Variants in CCDC171 observed in about 807,000 individuals in gnomAD.
The protein encoded by CCDC171 is coiled-coil domain-containing protein 171.
In CCDC171, 177 loss-of-function variants were observed where a neutral mutation model predicts 168.2. The ratio of observed to expected loss-of-function variants is 1.05; its 90% CI spans 0.93 to 1.19. The LOEUF is 1.19. Ranked by LOEUF, CCDC171 falls within the 50% of genes most tolerant of loss-of-function variation. The pLI is 0.00. For missense variants in CCDC171, 1,991 were observed against 1,539.0 expected, an observed-to-expected ratio of 1.29 and a Z score of -4.91; for synonymous variants, 687 against 540.8, an observed-to-expected ratio of 1.27 and a Z score of -3.75.
At chr9:16,046,214 T>C (rs1833656584) in intron 1 of CCDC171, among the ~76,000 whole-genome samples, 1 of 152,122 alleles carries the variant, frequency 6.6e-6, no homozygotes, top group Non-Finnish European at 1.5e-5. Flanking sequence ...TTCAGGAGGC[T>C]CCAACACATG....
intron 25 of CCDC171, among the ~76,000 whole-genome samples, chr9:15,939,839 A>G (rs1218514086): frequency 6.6e-6 from 1 of 151,934 alleles, no homozygotes; most frequent in Admixed American, 6.6e-5. Flanking sequence ...CCCCGGAACA[A>G]ATGATCTGTT....
chr9:15,617,727 A>G (rs1369799170), intron 6 of CCDC171, among the ~76,000 whole-genome samples: 2 of 151,904 alleles, frequency 1.3e-5, no homozygotes, highest in African/African-American at 4.8e-5. Flanking sequence ...TCTGTTTGTT[A>G]GTTTTTCTTC....
Position 15,588,002 on chromosome 9 carries a change from C to T in CCDC171, c.353-3364C>T, listed in dbSNP as rs371540246. 7.2e-4 allele frequency among the ~76,000 whole-genome samples: 109 copies of T among 151,962 alleles called. No individual in the cohort carries two copies. In the South Asian group the frequency reaches 0.021, roughly 29 times the overall value. On this transcript the variant is annotated intron_variant, in intron 4 of 25. Transcript: ENST00000380701. Reference sequence around the variant, plus strand: ...CTGTAATCGCAGCACTTTGGGAGGCCGAGGCAGGTGGATCATGAGGTCAGA... The same window carrying T: ...CTGTAATCGCAGCACTTTGGGAGGCTGAGGCAGGTGGATCATGAGGTCAGA...
At position 15,571,720 on chromosome 9, in the gene CCDC171, A is replaced by G. The variant is rs2040235999; in HGVS notation, c.138A>G (p.Lys46=). The G allele has an allele frequency of 1.3e-6, 2 of 1,591,516 alleles. No homozygotes were observed. Among genetic ancestry groups the G allele is most frequent in the Non-Finnish European group, 1.7e-6 (2 of 1,174,636 alleles). The change falls in exon 3 of 26, where the codon AAA becomes AAG. Residue 46 remains lysine, a synonymous_variant. Coordinates refer to ENST00000380701, the MANE Select transcript of CCDC171 (RefSeq NM_173550.4). ...DNLRKKLHWA[K]KEKLEITTKH... Reference sequence around the variant, plus strand: ...TCAGGAAGAAACTCCATTGGGCTAAAAAAGAAAAGTTAGAAATAACAACCA... The same window carrying G: ...TCAGGAAGAAACTCCATTGGGCTAAGAAAGAAAAGTTAGAAATAACAACCA...
chr9:15,746,069 A>G (rs961712849), intron 18 of CCDC171, among the ~76,000 whole-genome samples: 2 of 152,176 alleles, frequency 1.3e-5, no homozygotes, highest in Admixed American at 6.5e-5. Flanking sequence ...TTTATTTTAG[A>G]TGGAATTAAT....
intron 25 of CCDC171, among the ~76,000 whole-genome samples, chr9:15,946,881 A>G (rs1828464070): frequency 6.6e-6 from 1 of 151,982 alleles, no homozygotes; most frequent in Non-Finnish European, 1.5e-5. Context: ...TATGTTGTTA[A>G]ATGCTTGACT....
intron 7 of CCDC171, among the ~76,000 whole-genome samples, chr9:15,641,419 A>C (rs557981282): frequency 6.6e-6 from 1 of 152,142 alleles, no homozygotes; most frequent in Non-Finnish European, 1.5e-5. Flanking sequence ...TGTAGTAGAA[A>C]CTGTTTTGTT....
intron 18 of CCDC171, among the ~76,000 whole-genome samples, chr9:15,776,508 TA>T (rs1402434135): frequency 3.3e-5 from 5 of 152,234 alleles, no homozygotes; most frequent in Non-Finnish European, 7.3e-5. Context: ...TTATTCACTT[TA>T]TTTCCAATTT....
At chr9:16,061,274 T>G (rs1412994126) in exon 2 of CCDC171, 4 of 152,248 alleles carry the variant, frequency 2.6e-5, no homozygotes, top group Admixed American at 2.6e-4. Context: ...CCTTCCTGCC[T>G]GCCTGCCTCA....
intron 24 of CCDC171, chr9:15,883,026 C>CTGCCTGCCTG (rs1563932804): frequency 7.6e-5 from 25 of 330,258 alleles, no homozygotes; most frequent in East Asian, 2.9e-4. Flanking sequence ...TCCTCCCCTC[C>CTGCCTGCCTG]CCTCCCCTTC....
chr9:15,663,942 A>G (rs1046176762), intron 8 of CCDC171, among the ~76,000 whole-genome samples: 1 of 152,180 alleles, frequency 6.6e-6, no homozygotes, highest in Non-Finnish European at 1.5e-5. Context: ...TGAAAAAAGA[A>G]TAAACTCATG....
intron 6 of CCDC171, among the ~76,000 whole-genome samples, chr9:15,601,169 T>C (rs986152102): frequency 6.6e-6 from 1 of 152,084 alleles, no homozygotes; most frequent in Admixed American, 6.5e-5. Flanking sequence ...CAATCCTCAG[T>C]GAGATGAACC....
intron 24 of CCDC171, among the ~76,000 whole-genome samples, chr9:15,898,547 C>T (rs549754574): frequency 6.6e-6 from 1 of 152,188 alleles, no homozygotes; most frequent in East Asian, 1.9e-4. Context: ...CTAGTCCATG[C>T]CTTTGCCCGC....
At chr9:15,944,124 C>G (rs920939118) in intron 25 of CCDC171, among the ~76,000 whole-genome samples, 1 of 152,014 alleles carries the variant, frequency 6.6e-6, no homozygotes, top group Admixed American at 6.6e-5. Context: ...CATACCCTTA[C>G]AGGTTTTTTT....
At chr9:16,039,866 G>A (rs575329612), upstream of CCDC171, among the ~76,000 whole-genome samples, 42 of 152,238 alleles carry the variant, frequency 2.8e-4, no homozygotes, top group South Asian at 4.4e-3. Context: ...GTGTAATGGG[G>A]TGGGGGGTGG....
intron 1 of CCDC171, among the ~76,000 whole-genome samples, chr9:16,044,519 C>A (rs575532370): frequency 7.0e-6 from 1 of 143,436 alleles, no homozygotes; most frequent in Admixed American, 7.6e-5. Context: ...CAAATATAGC[C>A]AGCTATTTAA....
chr9:15,991,721 A>G (rs976538172), intron 3 of CCDC171, among the ~76,000 whole-genome samples: 7 of 152,174 alleles, frequency 4.6e-5, no homozygotes. Flanking sequence ...AATCAAATAG[A>G]TGCAATAAAA....
intron 20 of CCDC171, among the ~76,000 whole-genome samples, chr9:15,780,239 G>A (rs1588453941): frequency 1.3e-5 from 2 of 151,942 alleles, no homozygotes; most frequent in African/African-American, 4.8e-5. Context: ...GTTTCTTTTC[G>A]GTAAATGTCT....
At chr9:15,956,665 G>C (rs879391554) in intron 25 of CCDC171, among the ~76,000 whole-genome samples, 15 of 151,944 alleles carry the variant, frequency 9.9e-5, no homozygotes, top group Non-Finnish European at 1.9e-4. Flanking sequence ...TTTCAAAAAA[G>C]GATTAAAATT....
Sources: gnomAD v4.1 joint callset for allele counts (sites outside exome capture counted in the v4.1 genomes callset) on GRCh38, gnomAD v4.1.1 for gene constraint, MANE v1.5 for transcripts, NCBI Gene and HGNC (gene_info 2026-07-23, HGNC 2026-07-21) for gene names.